NBEA: variants seen among roughly 807,000 people sequenced by gnomAD.
The protein encoded by NBEA is lysosomal-trafficking regulator 2.
A neutral mutation model predicts 343.4 loss-of-function variants in NBEA; 44 were observed. That is an observed-to-expected ratio of 0.13 (90% CI 0.10 to 0.16). The LOEUF is 0.16. Among genes scored for constraint, NBEA ranks in the 10% least tolerant of loss-of-function variants. The pLI is 1.00. For missense variants in NBEA, 2,555 were observed against 3,631.3 expected (o/e 0.70, Z 7.62); for synonymous variants, 1,175 against 1,238.7 (o/e 0.95, Z 1.08).
At chr13:35,294,779 G>C (rs144859967) in intron 35 of NBEA, among the ~76,000 whole-genome samples, 1 of 152,090 alleles carries the variant, frequency 6.6e-6, no homozygotes, top group East Asian at 1.9e-4. Flanking sequence ...TCAGTAAATG[G>C]GTCCTATGTA....
At chr13:35,406,145 TTC>T (rs1366475213) in intron 38 of NBEA, among the ~76,000 whole-genome samples, 3 of 152,092 alleles carry the variant, frequency 2.0e-5, no homozygotes, top group Non-Finnish European at 2.9e-5. Context: ...AACAAATCAT[TTC>T]TCTCTTTTTA....
intron 41 of NBEA, among the ~76,000 whole-genome samples, chr13:35,509,309 G>A (rs1219518801): frequency 6.6e-6 from 1 of 152,168 alleles, no homozygotes; most frequent in African/African-American, 2.4e-5. Flanking sequence ...CCTGGGCAGG[G>A]AAGGCACCAT....
intron 4 of NBEA, among the ~76,000 whole-genome samples, chr13:35,045,801 C>T (rs1363401855): frequency 2.0e-5 from 3 of 151,986 alleles, no homozygotes; most frequent in Non-Finnish European, 4.4e-5. Flanking sequence ...GATCTTGGCT[C>T]ACTGCAACCT....
intron 40 of NBEA, among the ~76,000 whole-genome samples, chr13:35,465,306 T>A (rs529285047): frequency 6.6e-6 from 1 of 152,268 alleles, no homozygotes; most frequent in South Asian, 2.1e-4. Context: ...GATACTGTAA[T>A]AGGTGAACAA....
At chr13:35,046,278 C>G (rs533435771) in intron 4 of NBEA, among the ~76,000 whole-genome samples, 5 of 152,208 alleles carry the variant, frequency 3.3e-5, no homozygotes, top group African/African-American at 4.8e-5. Flanking sequence ...CATATGTTTT[C>G]TTATCTTTCG....
chr13:35,320,276 T>C (rs150666966), intron 36 of NBEA, among the ~76,000 whole-genome samples: 17 of 152,340 alleles, frequency 1.1e-4, no homozygotes, highest in African/African-American at 3.6e-4. Context: ...CGGGAGCTCT[T>C]GCAAGGCAGA....
intron 1 of NBEA, among the ~76,000 whole-genome samples, chr13:34,968,792 A>G (rs1251529327): frequency 6.6e-6 from 1 of 152,138 alleles, no homozygotes; most frequent in African/African-American, 2.4e-5. Context: ...AGTAGCACTA[A>G]TAGATTTTTT....
chr13:35,390,376 G>A (rs1042882032), intron 38 of NBEA, among the ~76,000 whole-genome samples: 14 of 152,218 alleles, frequency 9.2e-5, no homozygotes, highest in African/African-American at 3.4e-4. Flanking sequence ...CCAGACACAA[G>A]ACAATACAAG....
intron 50 of NBEA, 37 bp downstream of exon 50, chr13:35,645,968 G>A: frequency 7.5e-7 from 1 of 1,330,280 alleles, no homozygotes; most frequent in Non-Finnish European, 1.0e-6. Flanking sequence ...AGTGTTCTTT[G>A]GTCTTTAGCT....
chr13:35,229,086 A>G (rs755024726), intron 33 of NBEA, among the ~76,000 whole-genome samples: 2 of 152,158 alleles, frequency 1.3e-5, no homozygotes, highest in Non-Finnish European at 2.9e-5. Flanking sequence ...GCTAGAGTGT[A>G]GTGGCATGAT....
intron 48 of NBEA, among the ~76,000 whole-genome samples, chr13:35,609,023 A>G (rs2082398206): frequency 6.6e-6 from 1 of 152,156 alleles, no homozygotes; most frequent in African/African-American, 2.4e-5. Context: ...TTTTAGGTTT[A>G]TAATTGTCAA....
chr13:35,346,015 A>T (rs1236557804), intron 36 of NBEA, among the ~76,000 whole-genome samples: 1 of 152,078 alleles, frequency 6.6e-6, no homozygotes, highest in Non-Finnish European at 1.5e-5. Flanking sequence ...ATAAAACATC[A>T]TAGATCAGTT....
intron 36 of NBEA, among the ~76,000 whole-genome samples, chr13:35,318,008 G>A (rs1446438209): frequency 5.9e-5 from 9 of 152,092 alleles, no homozygotes; most frequent in South Asian, 4.1e-4. Flanking sequence ...GGGCTGAGAC[G>A]ATGGAGTTTT....
intron 34 of NBEA, among the ~76,000 whole-genome samples, chr13:35,273,602 T>C (rs889222181): frequency 1.3e-5 from 2 of 151,662 alleles, no homozygotes; most frequent in African/African-American, 4.8e-5. Context: ...ATCAACAAAA[T>C]AGATAGACTG....
At chr13:35,554,029 T>G (rs1445736722) in intron 43 of NBEA, among the ~76,000 whole-genome samples, 1 of 152,190 alleles carries the variant, frequency 6.6e-6, no homozygotes, top group Admixed American at 6.5e-5. Flanking sequence ...TTCCAAGGTT[T>G]CAGAAGCTGT....
At chr13:35,056,853 A>G (rs575331944) in intron 7 of NBEA, among the ~76,000 whole-genome samples, 94 of 152,312 alleles carry the variant, frequency 6.2e-4, no homozygotes, top group Non-Finnish European at 1.1e-3. Flanking sequence ...CTTCTATTTT[A>G]AAACCATCAG....
At chr13:35,123,270 A>G (rs2066900539) in intron 16 of NBEA, among the ~76,000 whole-genome samples, 2 of 152,216 alleles carry the variant, frequency 1.3e-5, no homozygotes, top group African/African-American at 4.8e-5. Flanking sequence ...AACACCAGTC[A>G]CATTGCCCTT....
At chr13:34,967,718 A>G (rs554842581) in intron 1 of NBEA, among the ~76,000 whole-genome samples, 15 of 152,202 alleles carry the variant, frequency 9.9e-5, no homozygotes, top group Admixed American at 4.6e-4. Flanking sequence ...CATGGTGTCT[A>G]TTACAACTAC....
intron 38 of NBEA, among the ~76,000 whole-genome samples, chr13:35,371,726 T>C (rs1385224310): frequency 6.6e-6 from 1 of 152,194 alleles, no homozygotes; most frequent in Non-Finnish European, 1.5e-5. Flanking sequence ...TCTGGTATAA[T>C]TGATGCTACT....
Sources: gnomAD v4.1 joint callset for allele counts (sites outside exome capture counted in the v4.1 genomes callset) on GRCh38, gnomAD v4.1.1 for gene constraint, MANE v1.5 for transcripts, NCBI Gene and HGNC (gene_info 2026-07-23, HGNC 2026-07-21) for gene names.